The following IFT25 variants were observed in gnomAD, a reference collection of about 807,000 sequenced individuals.
IFT25 encodes the protein intraflagellar transport 25, also known as intraflagellar transport protein 25 homolog.
the IFT25 span, among the ~76,000 whole-genome samples, chr1:53,925,380 G>A: frequency 1.3e-5 from 2 of 151,918 alleles, no homozygotes; most frequent in Admixed American, 6.6e-5. Flanking sequence ...AAAAATATCG[G>A]CTGGGCATGG....
the IFT25 span, among the ~76,000 whole-genome samples, chr1:53,940,879 T>A: frequency 3.9e-5 from 6 of 152,034 alleles, no homozygotes; most frequent in Non-Finnish European, 8.8e-5. Flanking sequence ...AGCTAATTTT[T>A]AAAAAAATTC....
At chr1:53,928,293 G>T in the IFT25 span, 2 of 1,130,716 alleles carry the variant, frequency 1.8e-6, no homozygotes, top group Admixed American at 1.8e-5. Flanking sequence ...TCACCAAAGT[G>T]CAGCTAGATG....
chr1:53,919,190 T>G, the IFT25 span, among the ~76,000 whole-genome samples: 383 of 152,284 alleles, frequency 2.5e-3, no homozygotes, highest in South Asian at 5.8e-3. Flanking sequence ...ACCTCTTGTT[T>G]TCACTCTGAG....
chr1:53,926,077 CAAAAA>C, the IFT25 span, among the ~76,000 whole-genome samples: 6 of 54,100 alleles, frequency 1.1e-4, no homozygotes, highest in African/African-American at 6.3e-5. Context: ...ACTCCAGTCT[CAAAAA>C]AAAAAAAAAA....
the IFT25 span, among the ~76,000 whole-genome samples, chr1:53,938,873 G>A: frequency 6.6e-6 from 1 of 151,734 alleles, no homozygotes; most frequent in Non-Finnish European, 1.5e-5. Flanking sequence ...TCGGGAGTTC[G>A]AAACCAGCCT....
At chr1:53,924,101 TAG>T in the IFT25 span, among the ~76,000 whole-genome samples, 68,065 of 151,758 alleles carry the variant, frequency 0.45, 16,654 homozygotes, top group South Asian at 0.63. Context: ...AATTTAAAAA[TAG>T]AGGTATATGA....
At chr1:53,938,360 A>G in the IFT25 span, among the ~76,000 whole-genome samples, 17 of 152,344 alleles carry the variant, frequency 1.1e-4, no homozygotes, top group East Asian at 1.7e-3. Flanking sequence ...GAGAGGGAAC[A>G]AACATTAAAA....
chr1:53,912,664 T>A, the IFT25 span, among the ~76,000 whole-genome samples: 5 of 152,142 alleles, frequency 3.3e-5, no homozygotes, highest in Non-Finnish European at 7.3e-5. Context: ...TGAGGAGAAC[T>A]ACAAGGGCAA....
chr1:53,931,900 AT>A, the IFT25 span, among the ~76,000 whole-genome samples: 1 of 151,356 alleles, frequency 6.6e-6, no homozygotes, highest in African/African-American at 2.4e-5. Context: ...TAATTTGCTC[AT>A]TTTTTTCTAG....
chr1:53,928,495 C>T, the IFT25 span: 2 of 1,355,998 alleles, frequency 1.5e-6, no homozygotes, highest in Non-Finnish European at 1.1e-6. Flanking sequence ...GTTTTTGTCC[C>T]TATATTTCTT....
At chr1:53,922,394 C>CA in the IFT25 span, among the ~76,000 whole-genome samples, 644 of 94,628 alleles carry the variant, frequency 6.8e-3, 4 homozygotes, top group South Asian at 0.051. Flanking sequence ...AATTCCGTCT[C>CA]AAAAAAAAAA....
At chr1:53,930,249 C>A in the IFT25 span, 2 of 1,055,518 alleles carry the variant, frequency 1.9e-6, no homozygotes, top group South Asian at 1.7e-5. Flanking sequence ...CTACTGGATT[C>A]TCACATCTCC....
the IFT25 span, chr1:53,939,628 A>G: frequency 4.3e-6 from 1 of 234,590 alleles, no homozygotes; most frequent in African/African-American, 2.4e-5. Flanking sequence ...GGTAGTAAAT[A>G]GGAAGTTATA....
At chr1:53,926,722 ATT>A in the IFT25 span, among the ~76,000 whole-genome samples, 4 of 143,366 alleles carry the variant, frequency 2.8e-5, no homozygotes, top group Admixed American at 7.0e-5. Flanking sequence ...CACATTCTAG[ATT>A]TTTTTTTTTT....
the IFT25 span, among the ~76,000 whole-genome samples, chr1:53,936,420 A>G: frequency 7.2e-5 from 11 of 152,390 alleles, no homozygotes; most frequent in South Asian, 1.7e-3. Context: ...ACTGCACTCC[A>G]GCCTGGGTGA....
At chr1:53,923,969 A>G in the IFT25 span, 14 of 1,542,780 alleles carry the variant, frequency 9.1e-6, no homozygotes, top group Admixed American at 8.5e-5. Flanking sequence ...ATGTAACAGA[A>G]GAAATGAGTT....
the IFT25 span, chr1:53,939,954 A>G: frequency 3.1e-3 from 3,928 of 1,247,344 alleles, 98 homozygotes; most frequent in African/African-American, 0.048. Context: ...CCGATTTAAG[A>G]CTGTAAACAA....
chr1:53,936,729 TCTACA>T, the IFT25 span, among the ~76,000 whole-genome samples: 1 of 152,168 alleles, frequency 6.6e-6, no homozygotes, highest in Admixed American at 6.5e-5. Flanking sequence ...ATAGTATTCT[TCTACA>T]CTACACCAAA....
chr1:53,941,564 C>T, the IFT25 span, among the ~76,000 whole-genome samples: 4 of 152,014 alleles, frequency 2.6e-5, no homozygotes, highest in Non-Finnish European at 5.9e-5. Context: ...ACCAATCTTA[C>T]CACAGTTTTC....
Sources: allele counts gnomAD v4.1 joint callset (sites outside exome capture counted in the v4.1 genomes callset), GRCh38; gene constraint gnomAD v4.1.1; transcripts MANE v1.5; gene names NCBI Gene and HGNC (gene_info 2026-07-23, HGNC 2026-07-21).